Variants in C20orf204 observed in about 807,000 individuals in gnomAD.
C20orf204 encodes the protein uncharacterized protein C20orf204.
C20orf204 carries 6 observed loss-of-function variants against 3.6 expected under a neutral mutation model. The observed-to-expected ratio is 1.68, with a 90% confidence interval of 0.92 to 3.31. The LOEUF is 3.31. Ranked by LOEUF, C20orf204 falls within the 30% of genes most tolerant of loss-of-function variation. C20orf204 has a pLI of 0.00. For synonymous variants in C20orf204, 80 were observed against 41.4 expected (o/e 1.93, Z -3.58); for missense variants, 167 against 89.7 (o/e 1.86, Z -3.48).
chr20:64,038,409 C>T lies in C20orf204; in HGVS notation c.393C>T (p.Thr131=), dbSNP rs751715730. 1.0e-5 allele frequency: 8 copies of T among 770,078 alleles called. No individual in the cohort carries two copies. The highest frequency in any genetic ancestry group is 1.9e-5 in the Non-Finnish European group (8 of 414,758). The allele number at this position is 770,078 out of a possible 1,614,324, so 47.7% of individuals were successfully genotyped here. Reference sequence around the variant, plus strand: ...CTGCTTGGACCGTGGCTGTGCGCACCGAGGCGGTGATGCGGCGCCACTGCA... The same window carrying T: ...CTGCTTGGACCGTGGCTGTGCGCACTGAGGCGGTGATGCGGCGCCACTGCA... The part of the protein sequence containing the change: ...ERAAWTVAVR[T]EAVMRRHCRT... Residue 131 remains threonine (T), a synonymous_variant, in exon 3 of 4, where the codon ACC becomes ACT. Coordinates refer to ENST00000636176, the MANE Select transcript of C20orf204 (RefSeq NM_001387010.1).
In C20orf204 at chr20:64,038,310, C is replaced by T. The variant is rs538057628; in HGVS notation, c.294C>T (p.Leu98=). 33 of 761,494 alleles carry T rather than the reference C, an allele frequency of 4.3e-5. No homozygotes were observed. The highest frequency in any genetic ancestry group is 3.5e-5 in the Admixed American group (2 of 57,474). The allele number at this position is 761,494 out of a possible 1,614,324, so 47.2% of individuals were successfully genotyped here. A position where few individuals can be genotyped will look rare whatever the true frequency, so the allele number is the denominator to read the frequency against. Residue 98 remains leucine (L), a synonymous_variant, in exon 3 of 4, where the codon CTC becomes CTT. Coordinates refer to ENST00000636176, the MANE Select transcript of C20orf204 (RefSeq NM_001387010.1). ...TCCCTCCCCAGGAGCACAGTATCCT[C>T]CTGTCCATCTCGTCCCTGGGTCGGA... ...SCGAQKEHSI[L]LSISSLGRTL...
chr20:64,038,479 A>G (rs371918714), intron 3 of C20orf204, 31 bp downstream of exon 3: 16 of 697,132 alleles, frequency 2.3e-5, no homozygotes, highest in Non-Finnish European at 3.7e-5. Flanking sequence ...CCAGAGCCAG[A>G]CCTCCCTTAA....
rs1485053840 is a variant in C20orf204 at position 64,038,849 on chromosome 20, G to T, written c.*90G>T. ...CGCCTCGTTCTGTAGACTTGTTGGT[G>T]ACCTCGGCCCCTCGCTCGACGCAGC... On this transcript the variant is annotated 3_prime_UTR_variant, in exon 4 of 4. Coordinates refer to ENST00000636176, the MANE Select transcript of C20orf204 (RefSeq NM_001387010.1). 2.8e-6 allele frequency: 2 copies of T among 722,988 alleles called. No homozygotes were observed. Among genetic ancestry groups the T allele is most frequent in the South Asian group, 1.5e-5 (1 of 68,590 alleles). 44.8% of individuals were successfully genotyped at this position (722,988 alleles called of 1,614,324 possible). A position where few individuals can be genotyped will look rare whatever the true frequency, so the allele number is the denominator to read the frequency against.
upstream of C20orf204, chr20:64,034,951 G>A (rs1452764928): frequency 6.6e-6 from 1 of 152,338 alleles, no homozygotes; most frequent in Non-Finnish European, 1.5e-5. Flanking sequence ...GAAATGGCCA[G>A]TGCTGGGTGG....
upstream of C20orf204, chr20:64,035,040 G>A (rs1439756672): frequency 1.3e-5 from 2 of 152,258 alleles, no homozygotes; most frequent in Admixed American, 6.5e-5. Flanking sequence ...GGAAAGTTCC[G>A]GAGCGCTTAC....
rs2059344653 is a variant in C20orf204, at chr20:64,038,117, A to G, written c.194A>G (p.His65Arg). The change falls in exon 2 of 4, where the codon CAC (histidine) becomes CGC (arginine). Residue 65 changes from histidine to arginine, a missense_variant. His to Arg is a conservative substitution (Grantham distance 29). Transcript: ENST00000636176. ...GAEKTRPGSR[H>R]FHFIQKNLTR... ...GAAAAGACCAGGCCAGGCTCCAGAC[A>G]CTTTCATTTCATACAGAAAAACCTG... 1 of 537,306 alleles carries G rather than the reference A, an allele frequency of 1.9e-6. No individual in the cohort carries two copies. Among genetic ancestry groups the G allele is most frequent in the Non-Finnish European group, 3.4e-6 (1 of 297,154 alleles). 33.3% of individuals were successfully genotyped at this position (537,306 alleles called of 1,614,324 possible).
At chr20:64,038,599 G>T in intron 3 of C20orf204, 23 bp from the exon 4 acceptor site, 1 of 524,212 alleles carries the variant, frequency 1.9e-6, no homozygotes, top group Non-Finnish European at 3.3e-6. Flanking sequence ...GTGCGCATTC[G>T]CTGACCGCCC....
chr20:64,034,718 A>C (rs1015809357), upstream of C20orf204: 15 of 152,602 alleles, frequency 9.8e-5, no homozygotes, highest in Admixed American at 8.5e-4. Context: ...GAGTTTGTGA[A>C]GTCAGCCCGG....
At chr20:64,035,016 C>T (rs962959841), upstream of C20orf204, 21 of 152,264 alleles carry the variant, frequency 1.4e-4, no homozygotes, top group African/African-American at 4.6e-4. Flanking sequence ...GGGGATACTT[C>T]CTGCAGGGCC....
rs759923943 is a variant in C20orf204 at position 64,037,909 on chromosome 20, A to G, written c.4-18A>G. 9.3e-6 allele frequency: 4 copies of G among 427,990 alleles called. No individual in the cohort carries two copies. Among genetic ancestry groups the G allele is most frequent in the African/African-American group, 4.1e-5 (2 of 48,724 alleles). 26.5% of individuals were successfully genotyped at this position (427,990 alleles called of 1,614,324 possible). A position where few individuals can be genotyped will look rare whatever the true frequency, so the allele number is the denominator to read the frequency against. ...GGAACACCCCCCAGGCCTAACCCCA[A>G]CCTGCTGTCTCCTCCAGGTACCCCC... On this transcript the variant is annotated intron_variant, in intron 1 of 3. Coordinates refer to ENST00000636176, the MANE Select transcript of C20orf204 (RefSeq NM_001387010.1).
At chr20:64,037,016 T>TGGGGGC (rs995394902) in intron 1 of C20orf204, 1 of 152,290 alleles carries the variant, frequency 6.6e-6, no homozygotes, top group African/African-American at 2.4e-5. Flanking sequence ...GACTCCATCC[T>TGGGGGC]GGGGGCCCAG....
At position 64,038,811 on chromosome 20, in the gene C20orf204, G is replaced by C; in HGVS notation, c.*52G>C. On this transcript the variant is annotated 3_prime_UTR_variant, in exon 4 of 4. Coordinates refer to ENST00000636176, the MANE Select transcript of C20orf204 (RefSeq NM_001387010.1). ...GAGGAGAACCAGCGGGGCCGCGGCA[G>C]AGCCTGGAGACGCGCCTCGTTCTGT... The C allele has an allele frequency of 1.4e-6, 1 of 699,496 alleles. No individual in the cohort carries two copies. Among genetic ancestry groups the C allele is most frequent in the East Asian group, 2.9e-5 (1 of 34,776 alleles). The allele number at this position is 699,496 out of a possible 1,614,324, so 43.3% of individuals were successfully genotyped here.
intron 2 of C20orf204, 45 bp from the exon 3 acceptor site, chr20:64,038,249 TCA>T (rs747346955): frequency 5.9e-5 from 44 of 742,094 alleles, no homozygotes; most frequent in Admixed American, 1.8e-4. Flanking sequence ...TGCTCCTCTC[TCA>T]GTTTCCCCCC....
rs780944980 is a variant in C20orf204, at chr20:64,038,263, C to T, written c.280-33C>T. ...CTGCTCCTCTCTCAGTTTCCCCCCA[C>T]CCCCACCCCGCCTTCCTCCCTTCCC... On this transcript the variant is annotated intron_variant, in intron 2 of 3. Transcript: ENST00000636176. 6.7e-6 allele frequency: 5 copies of T among 744,466 alleles called. No homozygotes were observed. In the East Asian group the frequency reaches 1.1e-4, roughly 16 times the overall value. The allele number at this position is 744,466 out of a possible 1,614,324, so 46.1% of individuals were successfully genotyped here.
upstream of C20orf204, chr20:64,035,309 C>G (rs1045419937): frequency 6.6e-6 from 1 of 152,256 alleles, no homozygotes; most frequent in African/African-American, 2.4e-5. Flanking sequence ...CAGCCTGTCA[C>G]AGCATTTAAT....
chr20:64,033,894 T>A (rs1294422020), upstream of C20orf204, among the ~76,000 whole-genome samples: 1 of 152,184 alleles, frequency 6.6e-6, no homozygotes, highest in Non-Finnish European at 1.5e-5. Flanking sequence ...CAGTGATGGT[T>A]CTCATCTCTA....
At chr20:64,034,595 T>C (rs1441970603), upstream of C20orf204, 1 of 152,238 alleles carries the variant, frequency 6.6e-6, no homozygotes, top group South Asian at 2.1e-4. Flanking sequence ...GCTTCATGAG[T>C]GTTTTCACTG....
upstream of C20orf204, chr20:64,035,302 C>G (rs1176982120): frequency 6.6e-6 from 1 of 152,224 alleles, no homozygotes; most frequent in African/African-American, 2.4e-5. Flanking sequence ...ACCTGCACAG[C>G]CTGTCACAGC....
In C20orf204 at chr20:64,038,651, C is replaced by A; in HGVS notation, c.462C>A (p.Ala154=). 1 of 625,858 alleles carries A rather than the reference C, an allele frequency of 1.6e-6. No individual in the cohort carries two copies. Among genetic ancestry groups the A allele is most frequent in the Non-Finnish European group, 2.8e-6 (1 of 352,104 alleles). The allele number at this position is 625,858 out of a possible 1,614,324, so 38.8% of individuals were successfully genotyped here. A position where few individuals can be genotyped will look rare whatever the true frequency, so the allele number is the denominator to read the frequency against. ...GCCGGCGGCCCAAGATGCGCCCTGC[C>A]CGGCGTCGCGGCGGCCGAAGGCAGC... The part of the protein sequence containing the change: ...QRSRRPKMRP[A]RRRGGRRQLL... The change falls in exon 4 of 4, where the codon GCC becomes GCA. Residue 154 remains alanine, a synonymous_variant. Transcript: ENST00000636176.
Sources: gnomAD v4.1 joint callset for allele counts (sites outside exome capture counted in the v4.1 genomes callset) on GRCh38, gnomAD v4.1.1 for gene constraint, MANE v1.5 for transcripts, NCBI Gene and HGNC (gene_info 2026-07-23, HGNC 2026-07-21) for gene names.